SEMA3A: variants seen among roughly 807,000 people sequenced by gnomAD.
The protein encoded by SEMA3A is semaphorin 3A, also known as semaphorin-3A.
In SEMA3A, 29 loss-of-function variants were observed where a neutral mutation model predicts 97.9. That is an observed-to-expected ratio of 0.30 (90% CI 0.22 to 0.40). SEMA3A has a LOEUF of 0.40. SEMA3A is among the 10% of genes least tolerant of loss of function. The pLI, the probability that SEMA3A is intolerant of heterozygous loss-of-function variation, is 1.00. For missense variants in SEMA3A, 763 were observed against 951.3 expected, an observed-to-expected ratio of 0.80 and a Z score of 2.60; for synonymous variants, 321 against 323.7, an observed-to-expected ratio of 0.99 and a Z score of 0.09.
chr7:83,980,287 A>G (rs1008258557), intron 14 of SEMA3A, among the ~76,000 whole-genome samples: 4 of 152,064 alleles, frequency 2.6e-5, no homozygotes, highest in African/African-American at 9.7e-5. Flanking sequence ...AAGTATTATC[A>G]AGAGTATGTT....
chr7:84,151,019 A>G (rs1796641881), intron 1 of SEMA3A, among the ~76,000 whole-genome samples: 1 of 149,410 alleles, frequency 6.7e-6, no homozygotes. Flanking sequence ...ACAGACCTGC[A>G]GCTGAGGGTC....
At chr7:84,410,147 A>G (rs1325982692) in intron 1 of SEMA3A, among the ~76,000 whole-genome samples, 2 of 152,092 alleles carry the variant, frequency 1.3e-5, no homozygotes, top group East Asian at 1.9e-4. Context: ...AAGTAAACTC[A>G]TTGTTTCATC....
chr7:84,356,996 C>T (rs1802576438), intron 2 of SEMA3A, among the ~76,000 whole-genome samples: 1 of 151,716 alleles, frequency 6.6e-6, no homozygotes, highest in Non-Finnish European at 1.5e-5. Flanking sequence ...CCTTTAATGA[C>T]CACACAAAGC....
At chr7:84,408,506 C>G (rs1804169270) in intron 1 of SEMA3A, among the ~76,000 whole-genome samples, 1 of 151,988 alleles carries the variant, frequency 6.6e-6, no homozygotes, top group Non-Finnish European at 1.5e-5. Context: ...GGATCTAGAA[C>G]TAGAAATACC....
chr7:84,337,921 C>A (rs942466428), intron 2 of SEMA3A, among the ~76,000 whole-genome samples: 2 of 151,980 alleles, frequency 1.3e-5, no homozygotes, highest in Non-Finnish European at 2.9e-5. Flanking sequence ...AGGAGGAGAA[C>A]ATTACAAATA....
At chr7:84,047,050 T>C (rs1009508508) in intron 5 of SEMA3A, among the ~76,000 whole-genome samples, 2 of 152,062 alleles carry the variant, frequency 1.3e-5, no homozygotes, top group Non-Finnish European at 1.5e-5. Context: ...TTTTATTTGT[T>C]ATAAGCTATC....
intron 1 of SEMA3A, among the ~76,000 whole-genome samples, chr7:84,383,074 T>TTA (rs1803308667): frequency 6.6e-6 from 1 of 152,106 alleles, no homozygotes; most frequent in Admixed American, 6.6e-5. Context: ...TTTTAAAAAA[T>TTA]TCTCTCTAAA....
chr7:84,200,290 T>C (rs1441305342), intron 3 of SEMA3A, among the ~76,000 whole-genome samples: 1 of 152,162 alleles, frequency 6.6e-6, no homozygotes, highest in Non-Finnish European at 1.5e-5. Context: ...TAAGTCTTAA[T>C]ATTAAAACAA....
intron 2 of SEMA3A, among the ~76,000 whole-genome samples, chr7:84,318,971 T>C (rs1301602973): frequency 6.6e-6 from 1 of 152,220 alleles, no homozygotes; most frequent in East Asian, 1.9e-4. Context: ...ATTTGTCATG[T>C]ATCAGGCACC....
At chr7:84,117,922 G>A (rs376122897) in intron 3 of SEMA3A, among the ~76,000 whole-genome samples, 4 of 152,216 alleles carry the variant, frequency 2.6e-5, no homozygotes, top group South Asian at 2.1e-4. Context: ...GATGACTAGC[G>A]CTTATTAATT....
chr7:84,231,656 C>A (rs990012589), intron 3 of SEMA3A, among the ~76,000 whole-genome samples: 1 of 151,848 alleles, frequency 6.6e-6, no homozygotes, highest in African/African-American at 2.4e-5. Flanking sequence ...CAGAAAGAGT[C>A]TTGGGAAGTT....
chr7:84,268,330 G>C (rs1028047386), intron 3 of SEMA3A, among the ~76,000 whole-genome samples: 4 of 149,876 alleles, frequency 2.7e-5, no homozygotes, highest in Non-Finnish European at 5.9e-5. Context: ...TGACTTTTCT[G>C]CTTTTCCCTT....
intron 3 of SEMA3A, among the ~76,000 whole-genome samples, chr7:84,249,167 T>C (rs1463830885): frequency 6.6e-6 from 1 of 152,202 alleles, no homozygotes; most frequent in Non-Finnish European, 1.5e-5. Flanking sequence ...ATCTGGAGAT[T>C]GCCCAGAATC....
intron 1 of SEMA3A, among the ~76,000 whole-genome samples, chr7:84,470,501 G>A (rs981924909): frequency 3.9e-5 from 6 of 152,094 alleles, no homozygotes; most frequent in Non-Finnish European, 2.9e-5. Context: ...GAGAAGATGG[G>A]AGAGTACAGA....
intron 3 of SEMA3A, among the ~76,000 whole-genome samples, chr7:84,237,416 G>T (rs1342055217): frequency 6.6e-6 from 1 of 152,088 alleles, no homozygotes; most frequent in East Asian, 1.9e-4. Context: ...TAGGGAAAAT[G>T]TCTTTAAGAA....
chr7:84,277,811 T>A (rs1800344419), intron 3 of SEMA3A, among the ~76,000 whole-genome samples: 1 of 152,136 alleles, frequency 6.6e-6, no homozygotes, highest in South Asian at 2.1e-4. Flanking sequence ...GACTGGCTGC[T>A]GCACAGGTCT....
chr7:84,192,381 C>T (rs1048814304), intron 1 of SEMA3A, among the ~76,000 whole-genome samples: 21 of 151,830 alleles, frequency 1.4e-4, no homozygotes, highest in Non-Finnish European at 5.9e-5. Flanking sequence ...TATTCTTCTT[C>T]CTGTTGTTCA....
intron 9 of SEMA3A, among the ~76,000 whole-genome samples, chr7:84,009,074 TG>T: frequency 6.6e-6 from 1 of 152,314 alleles, no homozygotes; most frequent in Non-Finnish European, 1.5e-5. Flanking sequence ...TCTCAAAAGG[TG>T]GTCCCTAGAC....
At chr7:84,309,840 T>C (rs1315082227) in intron 2 of SEMA3A, among the ~76,000 whole-genome samples, 1 of 152,162 alleles carries the variant, frequency 6.6e-6, no homozygotes, top group African/African-American at 2.4e-5. Context: ...AGATCATGCA[T>C]TGACTATTCC....
Sources: gnomAD v4.1 joint callset for allele counts (sites outside exome capture counted in the v4.1 genomes callset) on GRCh38, gnomAD v4.1.1 for gene constraint, MANE v1.5 for transcripts, NCBI Gene and HGNC (gene_info 2026-07-23, HGNC 2026-07-21) for gene names.